RHOJ: variants seen among roughly 807,000 people sequenced by gnomAD.
The protein encoded by RHOJ is ras homolog family member J, also known as rho-related GTP-binding protein RhoJ.
A neutral mutation model predicts 23.4 loss-of-function variants in RHOJ; 11 were observed. The ratio of observed to expected loss-of-function variants is 0.47; its 90% CI spans 0.30 to 0.78. The LOEUF is 0.78. RHOJ is among the 30% of genes least tolerant of loss of function. RHOJ has a pLI of 0.08. For synonymous variants in RHOJ, 102 were observed against 102.7 expected, an observed-to-expected ratio of 0.99 and a Z score of 0.04; for missense variants, 254 against 273.4, an observed-to-expected ratio of 0.93 and a Z score of 0.50.
rs1259807715 is a variant in RHOJ, at chr14:63,291,700, T to C, written c.*676T>C. 5 of 155,324 alleles carry C rather than the reference T, an allele frequency of 3.2e-5. No homozygotes were observed. Among genetic ancestry groups the C allele is most frequent in the African/African-American group, 9.6e-5 (4 of 41,468 alleles). The allele number at this position is 155,324 out of a possible 1,614,324, so 9.6% of individuals were successfully genotyped here. The stretch of plus-strand genomic sequence containing the variant: ...AAAGTTTTGGAAATTTACAGAGCCA[T>C]GATTTTTGAACCTAATTGAAAGAAA... On this transcript the variant is annotated 3_prime_UTR_variant, in exon 5 of 5. Transcript: ENST00000316754.
At chr14:63,228,984 C>T (rs996273453) in intron 1 of RHOJ, among the ~76,000 whole-genome samples, 1 of 152,156 alleles carries the variant, frequency 6.6e-6, no homozygotes, top group African/African-American at 2.4e-5. Context: ...ACCTATCACA[C>T]TGTATTATAA....
Position 63,291,258 on chromosome 14 carries a change from G to A in RHOJ, c.*234G>A. ...ACGCTGTCTGAGAATGCTGGGCCTG[G>A]ATTGCAGACAGTGCCGCTGCTGATC... is the stretch of plus-strand genomic sequence containing the variant. On this transcript the variant is annotated 3_prime_UTR_variant, in exon 5 of 5. Coordinates refer to ENST00000316754, the MANE Select transcript of RHOJ (RefSeq NM_020663.5). 1 of 554,444 alleles carries A rather than the reference G, an allele frequency of 1.8e-6. No individual in the cohort carries two copies. Among genetic ancestry groups the A allele is most frequent in the African/African-American group, 1.9e-5 (1 of 53,092 alleles). 34.3% of individuals were successfully genotyped at this position (554,444 alleles called of 1,614,324 possible). A position where few individuals can be genotyped will look rare whatever the true frequency, so the allele number is the denominator to read the frequency against.
chr14:63,210,117 G>A (rs749386707), intron 1 of RHOJ, among the ~76,000 whole-genome samples: 11 of 151,686 alleles, frequency 7.3e-5, no homozygotes, highest in South Asian at 2.1e-4. Context: ...GTGCCACCAC[G>A]CCCAGCTAAT....
At position 63,281,055 on chromosome 14, in the gene RHOJ, T is replaced by C. The variant is rs543588379; in HGVS notation, c.322T>C (p.Tyr108His). ...CTTCTCTGTCGTAAACCCTGCCTCT[T>C]ACCACAATGTCCAGGAGGAATGGGT... ...ICFSVVNPASYHNVQEEWVPE... is the reference protein window; with the variant it reads ...ICFSVVNPASHHNVQEEWVPE... The change falls in exon 3 of 5, where the codon TAC (tyrosine) becomes CAC (histidine). Residue 108 changes from tyrosine (Y) to histidine (H), a missense_variant. Tyr to His is a moderately conservative substitution (Grantham distance 83). Coordinates refer to ENST00000316754, the MANE Select transcript of RHOJ (RefSeq NM_020663.5). 7 of 1,614,144 alleles carry C rather than the reference T, an allele frequency of 4.3e-6. No homozygotes were observed. In the South Asian group the frequency reaches 7.7e-5, roughly 18 times the overall value.
intron 1 of RHOJ, among the ~76,000 whole-genome samples, chr14:63,229,224 C>T (rs532994507): frequency 2.6e-5 from 4 of 152,138 alleles, no homozygotes; most frequent in African/African-American, 7.2e-5. Flanking sequence ...CAAATAACTG[C>T]TTTAAAGCAA....
chr14:63,286,085 G>T (rs186101847), intron 4 of RHOJ, among the ~76,000 whole-genome samples: 5 of 152,134 alleles, frequency 3.3e-5, no homozygotes, highest in African/African-American at 1.2e-4. Context: ...CAAAATTGCT[G>T]CAAACACCCT....
chr14:63,223,213 T>A (rs2139739611), intron 1 of RHOJ, among the ~76,000 whole-genome samples: 2 of 152,334 alleles, frequency 1.3e-5, no homozygotes, highest in South Asian at 4.1e-4. Flanking sequence ...TGGTCAGCCA[T>A]CTGGACTATT....
chr14:63,255,749 TAAG>T (rs1490586623), intron 1 of RHOJ, among the ~76,000 whole-genome samples: 3 of 152,208 alleles, frequency 2.0e-5, no homozygotes, highest in East Asian at 3.9e-4. Context: ...CTTGCAGCCT[TAAG>T]AAGAGGCTCT....
chr14:63,205,978 T>C (rs1424473240), intron 1 of RHOJ, among the ~76,000 whole-genome samples: 1 of 152,250 alleles, frequency 6.6e-6, no homozygotes, highest in Admixed American at 6.5e-5. Context: ...CATAGTGATC[T>C]TTATCAGAGA....
chr14:63,286,708 C>G (rs956327734), intron 4 of RHOJ, among the ~76,000 whole-genome samples: 10 of 152,186 alleles, frequency 6.6e-5, no homozygotes, highest in African/African-American at 2.4e-4. Flanking sequence ...TAAACAGTCT[C>G]TTAGATTAAG....
chr14:63,243,631 C>G (rs577945482), intron 1 of RHOJ, among the ~76,000 whole-genome samples: 2 of 152,130 alleles, frequency 1.3e-5, no homozygotes, highest in Admixed American at 6.5e-5. Flanking sequence ...TAAGCCACCA[C>G]GCCCGGCCAA....
At chr14:63,214,582 T>G (rs1594750550) in intron 1 of RHOJ, among the ~76,000 whole-genome samples, 2 of 151,918 alleles carry the variant, frequency 1.3e-5, no homozygotes, top group South Asian at 4.2e-4. Context: ...GGAAACAGAG[T>G]GTTCTCAAAA....
chr14:63,280,005 G>A (rs1881847926), intron 2 of RHOJ, among the ~76,000 whole-genome samples: 1 of 152,020 alleles, frequency 6.6e-6, no homozygotes, highest in Admixed American at 6.6e-5. Context: ...TTAAATGGGT[G>A]AACTTTTGGT....
At chr14:63,248,319 A>G (rs1003053984) in intron 1 of RHOJ, among the ~76,000 whole-genome samples, 1 of 152,192 alleles carries the variant, frequency 6.6e-6, no homozygotes, top group Non-Finnish European at 1.5e-5. Flanking sequence ...AAGAAATAAT[A>G]AAATACTCAA....
At chr14:63,253,168 T>C (rs1895101683) in intron 1 of RHOJ, among the ~76,000 whole-genome samples, 1 of 152,194 alleles carries the variant, frequency 6.6e-6, no homozygotes, top group Non-Finnish European at 1.5e-5. Context: ...TACATGTCTG[T>C]TATCGGTCCT....
chr14:63,261,669 G>A (rs1010697355), intron 1 of RHOJ, among the ~76,000 whole-genome samples: 3 of 150,558 alleles, frequency 2.0e-5, no homozygotes, highest in Non-Finnish European at 4.4e-5. Context: ...TCAAACTCTT[G>A]AGCTTAAGCA....
chr14:63,279,728 C>G (rs1881840845), intron 2 of RHOJ, among the ~76,000 whole-genome samples: 1 of 152,182 alleles, frequency 6.6e-6, no homozygotes, highest in Non-Finnish European at 1.5e-5. Flanking sequence ...TTAAGTAATA[C>G]TTGAAACAAA....
chr14:63,268,154 CA>C lies in RHOJ; in HGVS notation c.179-954del, dbSNP rs145448162. On this transcript the variant is annotated intron_variant, in intron 1 of 4. Transcript: ENST00000316754. ...TTCACACTGAATTTGCACATTTTGA[CA>C]AGAGAAAAAACTCACACTTTTCTTC... 5.9e-3 allele frequency among the ~76,000 whole-genome samples: 891 copies of C among 152,242 alleles called. 12 individuals carry two copies. Among genetic ancestry groups the C allele is most frequent in the African/African-American group, 0.021 (859 of 41,556 alleles).
Position 63,292,165 on chromosome 14 carries a change from C to T in RHOJ, c.*1141C>T, listed in dbSNP as rs1193602834. The T allele has an allele frequency of 1.3e-5, 2 of 152,164 alleles. No homozygotes were observed. The highest frequency in any genetic ancestry group is 3.8e-4 in the East Asian group (2 of 5,196). 9.4% of individuals were successfully genotyped at this position (152,164 alleles called of 1,614,324 possible). ...GCTCGCCCCATGTAAGTTCTCATTC[C>T]ATGTAAATGACATTTTCCAGTTACA... On this transcript the variant is annotated 3_prime_UTR_variant, in exon 5 of 5. Transcript: ENST00000316754.
Sources: allele counts gnomAD v4.1 joint callset (sites outside exome capture counted in the v4.1 genomes callset), GRCh38; gene constraint gnomAD v4.1.1; transcripts MANE v1.5; gene names NCBI Gene and HGNC (gene_info 2026-07-23, HGNC 2026-07-21).